The following CACNA2D1 variants were observed in gnomAD, a reference collection of about 807,000 sequenced individuals.
The protein encoded by CACNA2D1 is calcium voltage-gated channel auxiliary subunit alpha2delta 1.
CACNA2D1 carries 53 observed loss-of-function variants against 171.5 expected under a neutral mutation model. The observed-to-expected ratio is 0.31, with a 90% CI of 0.25 to 0.39. CACNA2D1 has a LOEUF of 0.39. Ranked by LOEUF, CACNA2D1 falls within the 10% of genes least tolerant of loss-of-function variation. The pLI is 1.00. For missense variants in CACNA2D1, 903 were observed against 1,299.8 expected (o/e 0.69, Z 4.69); for synonymous variants, 442 against 443.1 (o/e 1.00, Z 0.03).
chr7:82,261,838 A>T (rs1187690878), intron 3 of CACNA2D1, among the ~76,000 whole-genome samples: 1 of 152,182 alleles, frequency 6.6e-6, no homozygotes, highest in Non-Finnish European at 1.5e-5. Flanking sequence ...TGGATGTAAC[A>T]CTAAGTTCAA....
At chr7:82,281,168 G>A (rs1044932613) in intron 3 of CACNA2D1, among the ~76,000 whole-genome samples, 21 of 152,186 alleles carry the variant, frequency 1.4e-4, no homozygotes, top group Admixed American at 8.5e-4. Context: ...CTGGTTTGGG[G>A]CCAGTGGAAA....
intron 20 of CACNA2D1, among the ~76,000 whole-genome samples, chr7:81,993,777 A>G (rs1410011955): frequency 9.2e-5 from 14 of 152,180 alleles, no homozygotes; most frequent in Admixed American, 9.2e-4. Context: ...TTAAAATTCT[A>G]AGACAGGAAA....
At chr7:82,345,212 G>A (rs1819108722) in intron 2 of CACNA2D1, among the ~76,000 whole-genome samples, 3 of 152,070 alleles carry the variant, frequency 2.0e-5, no homozygotes, top group Admixed American at 2.0e-4. Flanking sequence ...CACTCAGAAC[G>A]CTTATGTAAA....
chr7:82,352,126 C>T (rs1320668590), intron 1 of CACNA2D1, among the ~76,000 whole-genome samples: 1 of 152,178 alleles, frequency 6.6e-6, no homozygotes, highest in Admixed American at 6.5e-5. Flanking sequence ...ATTCAGAACC[C>T]ATCCAGTCTT....
At chr7:82,387,883 C>A (rs959691644) in intron 1 of CACNA2D1, among the ~76,000 whole-genome samples, 1 of 151,872 alleles carries the variant, frequency 6.6e-6, no homozygotes, top group Admixed American at 6.6e-5. Context: ...GAGTTCTAGA[C>A]CAGCCTAGGC....
At chr7:82,080,527 C>A (rs1451179053) in intron 7 of CACNA2D1, among the ~76,000 whole-genome samples, 1 of 152,094 alleles carries the variant, frequency 6.6e-6, no homozygotes, top group Non-Finnish European at 1.5e-5. Context: ...AAAAGAAATA[C>A]AAGACAATCA....
In CACNA2D1 at chr7:81,991,177, T is replaced by G. The variant is rs200882576; in HGVS notation, c.1796+8A>C. 7 of 1,304,140 alleles carry G rather than the reference T, an allele frequency of 5.4e-6. No individual in the cohort carries two copies. In the East Asian group the frequency reaches 1.4e-4, roughly 26 times the overall value. 80.8% of individuals were successfully genotyped at this position (1,304,140 alleles called of 1,614,324 possible). A position where few individuals can be genotyped will look rare whatever the true frequency, so the allele number is the denominator to read the frequency against. On this transcript the variant is annotated splice_region_variant and intron_variant, in intron 21 of 38. Transcript: ENST00000356860. ...AATACACAATACACATAAAATACAG[T>G]TAATTACCTGTAATCTGTGCCATTG... is the stretch of plus-strand genomic sequence containing the variant.
intron 1 of CACNA2D1, among the ~76,000 whole-genome samples, chr7:82,406,440 T>G (rs1341700452): frequency 6.6e-6 from 1 of 152,244 alleles, no homozygotes; most frequent in East Asian, 1.9e-4. Flanking sequence ...ATGGCATTTC[T>G]AGTTCTAGAT....
chr7:81,983,395 G>C, intron 22 of CACNA2D1, 61 bp from the exon 23 acceptor site: 1 of 1,245,372 alleles, frequency 8.0e-7, no homozygotes, highest in East Asian at 2.4e-5. Context: ...GTAAAGCAAA[G>C]GGGGTCATAA....
rs199645602 is a variant in CACNA2D1, at chr7:82,005,854, CA to C, written c.1441-16del. 5.9e-3 allele frequency: 8,862 copies of C among 1,494,704 alleles called. 266 individuals are homozygous for C. The African/African-American group carries it at 0.077, about 13-fold the overall frequency. 92.6% of individuals were successfully genotyped at this position (1,494,704 alleles called of 1,614,324 possible). On this transcript the variant is annotated splice_polypyrimidine_tract_variant and intron_variant, in intron 16 of 38. Coordinates refer to ENST00000356860, the MANE Select transcript of CACNA2D1 (RefSeq NM_000722.4). ...ATCAGCTGGTTCTATAATAAGAGGG[CA>C]AAAAATGGCATTTTATGTCAAAAAT...
chr7:81,950,365 A>G lies in CACNA2D1; in HGVS notation c.*27T>C. On this transcript the variant is annotated 3_prime_UTR_variant, in exon 39 of 39. Coordinates refer to ENST00000356860, the MANE Select transcript of CACNA2D1 (RefSeq NM_000722.4). Reference sequence around the variant, plus strand: ...CATGTTTTGGCAGGGTCTGGAGTTTAACTATGCAGATTTGGTTTTTAGAAG... The same window carrying G: ...CATGTTTTGGCAGGGTCTGGAGTTTGACTATGCAGATTTGGTTTTTAGAAG... The G allele has an allele frequency of 6.2e-7, 1 of 1,613,000 alleles. No individual in the cohort carries two copies. The highest frequency in any genetic ancestry group is 2.2e-5 in the East Asian group (1 of 44,858).
At chr7:82,325,808 G>A (rs1449882414) in intron 3 of CACNA2D1, among the ~76,000 whole-genome samples, 1 of 152,170 alleles carries the variant, frequency 6.6e-6, no homozygotes, top group Non-Finnish European at 1.5e-5. Context: ...ATGTCATTTT[G>A]TTCGATATTG....
At position 82,060,211 on chromosome 7, in the gene CACNA2D1, A is replaced by AT. The variant is rs374742133; in HGVS notation, c.879+216_879+217insA. On this transcript the variant is annotated intron_variant, in intron 10 of 38. Coordinates refer to ENST00000356860, the MANE Select transcript of CACNA2D1 (RefSeq NM_000722.4). ...TATATTATATATATATTATATATATAATATATATATAATATATATATATAA... is the reference window on the plus strand; with the variant it reads ...TATATTATATATATATTATATATATATATATATATATAATATATATATATAA... 5.1e-3 allele frequency among the ~76,000 whole-genome samples: 161 copies of AT among 31,352 alleles called. 11 individuals are homozygous for AT. Among genetic ancestry groups the AT allele is most frequent in the African/African-American group, 0.014 (137 of 9,518 alleles). 20.6% of individuals were successfully genotyped at this position (31,352 alleles called of 152,430 possible). A position where few individuals can be genotyped will look rare whatever the true frequency, so the allele number is the denominator to read the frequency against.
chr7:82,110,921 G>A (rs1788302233), intron 6 of CACNA2D1, among the ~76,000 whole-genome samples: 1 of 151,906 alleles, frequency 6.6e-6, no homozygotes, highest in South Asian at 2.1e-4. Flanking sequence ...TTAATTGTTT[G>A]TTTTACACTC....
At chr7:82,373,749 T>G (rs1289983698) in intron 1 of CACNA2D1, among the ~76,000 whole-genome samples, 3 of 152,190 alleles carry the variant, frequency 2.0e-5, no homozygotes, top group Admixed American at 6.6e-5. Flanking sequence ...TTACAAATAT[T>G]TTCCTATTGT....
At chr7:82,127,568 T>C (rs552471084) in intron 5 of CACNA2D1, among the ~76,000 whole-genome samples, 5 of 152,302 alleles carry the variant, frequency 3.3e-5, no homozygotes, top group African/African-American at 1.2e-4. Context: ...TGTACACATA[T>C]TCTATTGTAT....
intron 1 of CACNA2D1, among the ~76,000 whole-genome samples, chr7:82,400,543 C>T (rs1344475716): frequency 6.6e-6 from 1 of 151,632 alleles, no homozygotes; most frequent in Non-Finnish European, 1.5e-5. Flanking sequence ...ACACCTTATA[C>T]AAAAATCAAT....
chr7:82,077,928 T>C (rs1434056725), intron 7 of CACNA2D1, among the ~76,000 whole-genome samples: 1 of 152,120 alleles, frequency 6.6e-6, no homozygotes, highest in Non-Finnish European at 1.5e-5. Flanking sequence ...TGGACTACCT[T>C]ATCATCTGCT....
intron 21 of CACNA2D1, 105 bp from the exon 22 acceptor site, chr7:81,984,816 T>C (rs1032738590): frequency 9.8e-6 from 7 of 712,860 alleles, no homozygotes; most frequent in Non-Finnish European, 1.5e-5. Context: ...ATCTTCCTCA[T>C]GGGAAGGAAA....
Sources: gnomAD v4.1 joint callset for allele counts (sites outside exome capture counted in the v4.1 genomes callset) on GRCh38, gnomAD v4.1.1 for gene constraint, MANE v1.5 for transcripts, NCBI Gene and HGNC (gene_info 2026-07-23, HGNC 2026-07-21) for gene names.